The following LRP1B variants were observed in gnomAD, a reference collection of about 807,000 sequenced individuals.
LRP1B encodes LDL receptor related protein 1B.
A neutral mutation model predicts 556.6 loss-of-function variants in LRP1B; 217 were observed. That is an observed-to-expected ratio of 0.39 (90% CI 0.35 to 0.44). The LOEUF (loss-of-function observed/expected upper bound fraction) is 0.44. LRP1B is among the 20% of genes least tolerant of loss of function. The pLI, the probability that LRP1B is intolerant of heterozygous loss-of-function variation, is 1.00. For missense variants in LRP1B, 5,053 were observed against 5,620.8 expected, an observed-to-expected ratio of 0.90 and a Z score of 3.23; for synonymous variants, 2,047 against 1,865.8, an observed-to-expected ratio of 1.10 and a Z score of -2.50.
At chr2:140,872,725 G>A (rs1454848487) in intron 25 of LRP1B, among the ~76,000 whole-genome samples, 2 of 151,770 alleles carry the variant, frequency 1.3e-5, no homozygotes, top group African/African-American at 2.4e-5. Context: ...TGTACCTTAT[G>A]ATGTAAATTT....
At chr2:140,998,315 T>C (rs1399177900) in intron 15 of LRP1B, among the ~76,000 whole-genome samples, 1 of 152,130 alleles carries the variant, frequency 6.6e-6, no homozygotes, top group Non-Finnish European at 1.5e-5. Context: ...ACTGTTTCTT[T>C]AGACAAAATA....
At chr2:141,933,959 A>G (rs1300693245) in intron 1 of LRP1B, among the ~76,000 whole-genome samples, 3 of 152,242 alleles carry the variant, frequency 2.0e-5, no homozygotes, top group East Asian at 3.9e-4. Context: ...GCCCACAAAA[A>G]TAAGAGAATA....
chr2:140,497,952 G>A (rs1689019819), intron 55 of LRP1B, among the ~76,000 whole-genome samples: 1 of 151,616 alleles, frequency 6.6e-6, no homozygotes, highest in Non-Finnish European at 1.5e-5. Context: ...AATAACATGT[G>A]TAAAAAGAAA....
rs141901807 is a variant in LRP1B, at chr2:140,829,104, C to T, written c.5209+10887G>A. ...TAACAATTGTAAATATATATGCATC[C>T]AACACCAAGGCACCGAAATATATAA... On this transcript the variant is annotated intron_variant, in intron 31 of 90. Transcript: ENST00000389484. Among the ~76,000 whole-genome samples, 2 of 151,932 alleles carry T rather than the reference C, an allele frequency of 1.3e-5. 1 individual carries two copies. The highest frequency in any genetic ancestry group is 3.9e-4 in the East Asian group (2 of 5,158).
chr2:140,327,952 T>TATCTC (rs1680578884), intron 79 of LRP1B, among the ~76,000 whole-genome samples: 2 of 139,924 alleles, frequency 1.4e-5, no homozygotes, highest in Non-Finnish European at 3.2e-5. Flanking sequence ...TACTTTTGAT[T>TATCTC]TTCTATTAAG....
intron 85 of LRP1B, among the ~76,000 whole-genome samples, chr2:140,270,993 A>C (rs1682434914): frequency 6.6e-6 from 1 of 152,016 alleles, no homozygotes; most frequent in Non-Finnish European, 1.5e-5. Context: ...CAAAGTAATG[A>C]GACAGGCTTT....
intron 7 of LRP1B, among the ~76,000 whole-genome samples, chr2:141,129,113 C>G (rs974351590): frequency 2.0e-5 from 3 of 151,958 alleles, no homozygotes; most frequent in African/African-American, 7.2e-5. Context: ...AATAAGGCAA[C>G]TTTAATAAAG....
intron 31 of LRP1B, among the ~76,000 whole-genome samples, chr2:140,825,633 T>G (rs1193863502): frequency 6.6e-6 from 1 of 152,182 alleles, no homozygotes; most frequent in African/African-American, 2.4e-5. Context: ...TGTATAATAT[T>G]AGTCGTAACA....
At position 141,478,582 on chromosome 2, in the gene LRP1B, C is replaced by T. The variant is rs80300571; in HGVS notation, c.343+1814G>A. 7.1e-3 allele frequency among the ~76,000 whole-genome samples: 1,065 copies of T among 149,662 alleles called. 14 individuals carry two copies. The highest frequency in any genetic ancestry group is 0.025 in the African/African-American group (1,029 of 40,928). On this transcript the variant is annotated intron_variant, in intron 3 of 90. Transcript: ENST00000389484. ...TTTCTTTGATGAAGTTTTACTCAGT[C>T]ACCCAGGCTGGAGTGCAATGACATA...
At chr2:141,555,055 C>T (rs954465892) in intron 2 of LRP1B, among the ~76,000 whole-genome samples, 9 of 151,970 alleles carry the variant, frequency 5.9e-5, no homozygotes, top group African/African-American at 2.2e-4. Flanking sequence ...GGAAGATGCC[C>T]AGACGTTCAA....
chr2:141,496,922 A>C (rs1683530203), intron 2 of LRP1B, among the ~76,000 whole-genome samples: 1 of 152,068 alleles, frequency 6.6e-6, no homozygotes, highest in African/African-American at 2.4e-5. Context: ...AATTGATAGC[A>C]TGAAAGTACA....
chr2:141,872,033 G>C (rs1007189013), intron 1 of LRP1B, among the ~76,000 whole-genome samples: 3 of 151,858 alleles, frequency 2.0e-5, no homozygotes, highest in African/African-American at 7.2e-5. Context: ...CTTCAAGAGA[G>C]ATTCTCAGAA....
At chr2:140,859,058 G>T (rs1345852173) in intron 27 of LRP1B, among the ~76,000 whole-genome samples, 2 of 152,122 alleles carry the variant, frequency 1.3e-5, no homozygotes, top group African/African-American at 2.4e-5. Context: ...GAGCTCAAGT[G>T]ATTTGCCTGC....
intron 3 of LRP1B, among the ~76,000 whole-genome samples, chr2:141,365,540 A>G (rs1359274053): frequency 1.3e-5 from 2 of 151,588 alleles, no homozygotes; most frequent in Non-Finnish European, 2.9e-5. Flanking sequence ...CACATGATCA[A>G]TCTTTAAGAA....
Position 141,607,380 on chromosome 2 carries a change from T to C in LRP1B, c.206-126847A>G, listed in dbSNP as rs577861111. Among the ~76,000 whole-genome samples the C allele has an allele frequency of 4.7e-4, 71 of 152,306 alleles. 1 individual carries two copies. Among genetic ancestry groups the C allele is most frequent in the South Asian group, 4.4e-3 (21 of 4,824 alleles). On this transcript the variant is annotated intron_variant, in intron 2 of 90. Coordinates refer to ENST00000389484, the MANE Select transcript of LRP1B (RefSeq NM_018557.3). ...TCTCAGGCTGCTTCCTGACACATCC[T>C]TAAGCTTTCAGTAACCTAACAATAA...
chr2:140,885,602 C>T (rs1332172426), intron 24 of LRP1B, among the ~76,000 whole-genome samples: 4 of 151,938 alleles, frequency 2.6e-5, no homozygotes, highest in East Asian at 1.9e-4. Flanking sequence ...CTGCCTGCCT[C>T]GGCCTCCCAA....
chr2:141,865,359 G>T (rs1214629109), intron 1 of LRP1B, among the ~76,000 whole-genome samples: 2 of 151,904 alleles, frequency 1.3e-5, no homozygotes, highest in African/African-American at 4.8e-5. Context: ...TTGGGAGGCC[G>T]AGGCGGGCGG....
chr2:140,523,534 C>T (rs542999963), intron 49 of LRP1B, among the ~76,000 whole-genome samples: 3 of 138,192 alleles, frequency 2.2e-5, no homozygotes, highest in Non-Finnish European at 4.7e-5. Context: ...AATCTTAGCC[C>T]GAGCAATCAG....
At chr2:140,932,962 C>T (rs1175861674) in intron 20 of LRP1B, among the ~76,000 whole-genome samples, 1 of 149,950 alleles carries the variant, frequency 6.7e-6, no homozygotes, top group Non-Finnish European at 1.5e-5. Context: ...TACATATACA[C>T]ATATATATGT....
Sources: gnomAD v4.1 joint callset for allele counts (sites outside exome capture counted in the v4.1 genomes callset) on GRCh38, gnomAD v4.1.1 for gene constraint, MANE v1.5 for transcripts, NCBI Gene and HGNC (gene_info 2026-07-23, HGNC 2026-07-21) for gene names.